Variants in MCF2L observed in about 807,000 individuals in gnomAD.
The protein encoded by MCF2L is MCF.2 cell line derived transforming sequence like.
MCF2L carries 97 observed loss-of-function variants against 153.4 expected under a neutral mutation model. The observed-to-expected ratio is 0.63, with a 90% confidence interval of 0.54 to 0.75. The LOEUF (loss-of-function observed/expected upper bound fraction) is 0.75, where lower values mean the gene tolerates loss of function less well. MCF2L is among the 30% of genes least tolerant of loss of function. The probability of loss-of-function intolerance (pLI) is 0.00; values close to 1 mark genes in which losing one functional copy is unlikely to be tolerated. For missense variants in MCF2L, 1,347 were observed against 1,495.2 expected, an observed-to-expected ratio of 0.90 and a Z score of 1.64; for synonymous variants, 659 against 632.2, an observed-to-expected ratio of 1.04 and a Z score of -0.64.
At chr13:113,082,318 A>G in intron 16 of MCF2L, 109 bp from the exon 17 acceptor site, 1 of 685,452 alleles carries the variant, frequency 1.5e-6, no homozygotes, top group East Asian at 2.7e-5. Context: ...ACCCGAGAAT[A>G]AAGATGAAGG....
chr13:113,038,458 C>T (rs1404384357), intron 3 of MCF2L, among the ~76,000 whole-genome samples: 2 of 95,484 alleles, frequency 2.1e-5, no homozygotes, highest in Admixed American at 2.2e-4. Context: ...GAGCGAGCCT[C>T]CATCTCAAAA....
chr13:112,914,027 C>T (rs908498564), intron 2 of MCF2L, among the ~76,000 whole-genome samples: 6 of 152,230 alleles, frequency 3.9e-5, no homozygotes, highest in African/African-American at 1.4e-4. Context: ...ATCCCCAGCC[C>T]CTTCTCCCCC....
chr13:113,022,247 G>A lies in MCF2L; in HGVS notation c.164-2397G>A, dbSNP rs927921205. Reference sequence around the variant, plus strand: ...CTCCAAGCTCCCAGGCTGCCTCCACGTTGTGTCCACCGTCCACTCCAAGCT... The same window carrying A: ...CTCCAAGCTCCCAGGCTGCCTCCACATTGTGTCCACCGTCCACTCCAAGCT... On this transcript the variant is annotated intron_variant, in intron 2 of 29. Transcript: ENST00000535094. Among the ~76,000 whole-genome samples, 9 of 151,450 alleles carry A rather than the reference G, an allele frequency of 5.9e-5. No homozygotes were observed. The South Asian group carries it at 1.1e-3, about 18-fold the overall frequency.
At chr13:113,090,334 G>T in intron 26 of MCF2L, 1 of 985,474 alleles carries the variant, frequency 1.0e-6, no homozygotes, top group South Asian at 4.7e-5. Context: ...GAGTTATTTA[G>T]AGGTGGCTTT....
At chr13:112,963,779 G>A (rs2081860955) in intron 2 of MCF2L, among the ~76,000 whole-genome samples, 1 of 152,222 alleles carries the variant, frequency 6.6e-6, no homozygotes, top group Non-Finnish European at 1.5e-5. Flanking sequence ...GTCCATGGAA[G>A]ACAGGGAGAG....
rs1325276341 is a variant in MCF2L at position 113,046,953 on chromosome 13, G to T, written c.369+1592G>T. ...ATTGATAAAGAAAGAGGCGTAATTG[G>T]CTCACAGTTCTGCAGGCTGCACAGG... On this transcript the variant is annotated intron_variant, in intron 4 of 29. Coordinates refer to ENST00000535094, the MANE Select transcript of MCF2L (RefSeq NM_001112732.3). The surrounding 1 kb of genome is among the most constrained non-coding windows in gnomAD (Gnocchi z 4.4). 2 of 212,348 alleles carry T rather than the reference G, an allele frequency of 9.4e-6. No individual in the cohort carries two copies. The highest frequency in any genetic ancestry group is 2.4e-5 in the African/African-American group (1 of 42,460). 13.2% of individuals were successfully genotyped at this position (212,348 alleles called of 1,614,324 possible). A position where few individuals can be genotyped will look rare whatever the true frequency, so the allele number is the denominator to read the frequency against.
intron 2 of MCF2L, among the ~76,000 whole-genome samples, chr13:112,902,596 ATTTG>A (rs1273724359): frequency 1.3e-5 from 2 of 152,178 alleles, no homozygotes; most frequent in Non-Finnish European, 2.9e-5. Context: ...ATGTGTGGTC[ATTTG>A]TTTGACTTGG....
intron 26 of MCF2L, 59 bp downstream of exon 26, chr13:113,089,787 G>T: frequency 6.3e-7 from 1 of 1,594,860 alleles, no homozygotes; most frequent in Admixed American, 1.7e-5. Context: ...TGCTCACGGA[G>T]TGCTCACTGC....
chr13:112,964,505 A>G (rs1481554980), upstream of MCF2L, among the ~76,000 whole-genome samples: 1 of 152,236 alleles, frequency 6.6e-6, no homozygotes, highest in Non-Finnish European at 1.5e-5. Flanking sequence ...TATAAAAATC[A>G]TGTACAGATT....
intron 2 of MCF2L, among the ~76,000 whole-genome samples, chr13:112,928,499 T>C (rs981523578): frequency 2.6e-5 from 4 of 152,218 alleles, no homozygotes; most frequent in Non-Finnish European, 2.9e-5. Context: ...CTTGCAAAGA[T>C]GCTATCTAAA....
At chr13:112,975,534 C>G (rs1251285057) in intron 1 of MCF2L, among the ~76,000 whole-genome samples, 1 of 152,218 alleles carries the variant, frequency 6.6e-6, no homozygotes. Flanking sequence ...AAGCACCCAG[C>G]AGGCAGGAAG....
intron 2 of MCF2L, among the ~76,000 whole-genome samples, chr13:112,906,880 G>A (rs1004965717): frequency 6.6e-5 from 10 of 152,322 alleles, no homozygotes; most frequent in African/African-American, 2.4e-4. Flanking sequence ...AAAGATGCCA[G>A]TGATTTTCGT....
At chr13:113,016,483 A>G (rs1206683037) in intron 2 of MCF2L, among the ~76,000 whole-genome samples, 1 of 152,156 alleles carries the variant, frequency 6.6e-6, no homozygotes, top group Non-Finnish European at 1.5e-5. Flanking sequence ...ACGTGGGCCC[A>G]GAGACCCTGA....
chr13:113,016,027 C>A (rs2084490558), intron 2 of MCF2L, among the ~76,000 whole-genome samples: 1 of 152,220 alleles, frequency 6.6e-6, no homozygotes, highest in Non-Finnish European at 1.5e-5. Flanking sequence ...CAGCCTTGAC[C>A]TTCCTCCAGT....
intron 1 of MCF2L, among the ~76,000 whole-genome samples, chr13:113,013,926 T>C (rs142971016): frequency 6.8e-6 from 1 of 147,892 alleles, no homozygotes; most frequent in African/African-American, 2.6e-5. Flanking sequence ...TGGTGCTGGC[T>C]CCATGCTCCT....
Position 112,993,532 on chromosome 13 carries a change from G to A in MCF2L, c.80-21231G>A, listed in dbSNP as rs1471680203. ...GTTCAGGCGTGGGATGAGGCTCCAGGATCGCAGCCACAGAAGTGGCAGTGG... is the reference window on the plus strand; with the variant it reads ...GTTCAGGCGTGGGATGAGGCTCCAGAATCGCAGCCACAGAAGTGGCAGTGG... On this transcript the variant is annotated intron_variant, in intron 1 of 29. Coordinates refer to ENST00000535094, the MANE Select transcript of MCF2L (RefSeq NM_001112732.3). The surrounding 1 kb of genome is among the most constrained non-coding windows in gnomAD (Gnocchi z 4.6). Among the ~76,000 whole-genome samples, 1 of 152,148 alleles carries A rather than the reference G, an allele frequency of 6.6e-6. No individual in the cohort carries two copies. Among genetic ancestry groups the A allele is most frequent in the Non-Finnish European group, 1.5e-5 (1 of 68,034 alleles).
At chr13:112,997,153 A>C (rs1314624620) in intron 1 of MCF2L, among the ~76,000 whole-genome samples, 4 of 152,230 alleles carry the variant, frequency 2.6e-5, no homozygotes, top group Non-Finnish European at 5.9e-5. Flanking sequence ...GCTCAGTGGC[A>C]GACCCAGAGC....
rs1389817555 is a variant in MCF2L, at chr13:113,061,798, T to TC, written c.489+1089dup. Among the ~76,000 whole-genome samples, 58 of 12,512 alleles carry TC rather than the reference T, an allele frequency of 4.6e-3. 2 individuals are homozygous for TC. Among genetic ancestry groups the TC allele is most frequent in the South Asian group, 0.015 (3 of 204 alleles). The allele number at this position is 12,512 out of a possible 152,430, so 8.2% of individuals were successfully genotyped here. ...CCTCCCCTCCCTCTCCCCCTTCCCC[T>TC]CCCTTCCCTCTCCCCCTTCCCCTCT... is the stretch of plus-strand genomic sequence containing the variant. On this transcript the variant is annotated intron_variant, in intron 5 of 29. Transcript: ENST00000535094.
chr13:113,089,940 C>G (rs2035036087), intron 26 of MCF2L: 6 of 1,597,468 alleles, frequency 3.8e-6, no homozygotes, highest in Non-Finnish European at 5.1e-6. Flanking sequence ...TCAGCAAGGC[C>G]AGCCCCAGAA....
Sources: allele counts gnomAD v4.1 joint callset (sites outside exome capture counted in the v4.1 genomes callset), GRCh38; gene constraint gnomAD v4.1.1; non-coding constraint Gnocchi (gnomAD v3.1); transcripts MANE v1.5; gene names NCBI Gene and HGNC (gene_info 2026-07-23, HGNC 2026-07-21).